Variants in DRC11 observed in about 807,000 individuals in gnomAD.
The protein encoded by DRC11 is dynein regulatory complex subunit 11.
At chr2:236,380,489 G>T in the DRC11 span, 1 of 1,100,628 alleles carries the variant, frequency 9.1e-7, no homozygotes, top group Non-Finnish European at 1.4e-6. This position sits in a 1 kb window ranked among gnomAD's most constrained non-coding sequence, Gnocchi z 4.9. Context: ...TGGCATCACA[G>T]AGGGGGCGTA....
the DRC11 span, among the ~76,000 whole-genome samples, chr2:236,353,435 C>T: frequency 0.17 from 25,887 of 152,072 alleles, 2,504 homozygotes; most frequent in Non-Finnish European, 0.23. This position sits in a 1 kb window ranked among gnomAD's most constrained non-coding sequence, Gnocchi z 5.0. Context: ...AAACATTCAC[C>T]ATCAGAATTA....
the DRC11 span, among the ~76,000 whole-genome samples, chr2:236,403,699 G>A: frequency 6.6e-6 from 1 of 151,978 alleles, no homozygotes; most frequent in Non-Finnish European, 1.5e-5. Context: ...TAACTTTGTG[G>A]CCTTATCTTG....
chr2:236,438,025 T>C, the DRC11 span, among the ~76,000 whole-genome samples: 1 of 140,078 alleles, frequency 7.1e-6, no homozygotes, highest in Non-Finnish European at 1.5e-5. Context: ...CCCATGCCTA[T>C]GTCCTGAATG....
chr2:236,318,286 C>T, the DRC11 span, among the ~76,000 whole-genome samples: 1 of 152,200 alleles, frequency 6.6e-6, no homozygotes, highest in Admixed American at 6.5e-5. The surrounding 1 kb of genome is among the most constrained non-coding windows in gnomAD (Gnocchi z 7.0). Flanking sequence ...TGCCAGACCT[C>T]CCTGTTCCGC....
chr2:236,432,870 C>T, the DRC11 span, among the ~76,000 whole-genome samples: 2 of 151,992 alleles, frequency 1.3e-5, no homozygotes, highest in Non-Finnish European at 2.9e-5. Flanking sequence ...TCTTTCTTAG[C>T]TTCTTCTAGT....
At chr2:236,504,227 T>C in the DRC11 span, among the ~76,000 whole-genome samples, 6 of 152,080 alleles carry the variant, frequency 3.9e-5, no homozygotes, top group African/African-American at 1.4e-4. This position sits in a 1 kb window ranked among gnomAD's most constrained non-coding sequence, Gnocchi z 5.0. Context: ...GCTGAGCTCC[T>C]TTCCCTCGGT....
chr2:236,353,978 T>C, the DRC11 span, among the ~76,000 whole-genome samples: 2 of 152,194 alleles, frequency 1.3e-5, no homozygotes. The surrounding 1 kb of genome is among the most constrained non-coding windows in gnomAD (Gnocchi z 5.0). Context: ...TTTTATGTAC[T>C]TGCGGAGGTT....
At chr2:236,472,093 A>G in the DRC11 span, among the ~76,000 whole-genome samples, 11 of 152,248 alleles carry the variant, frequency 7.2e-5, no homozygotes, top group African/African-American at 2.2e-4. This position sits in a 1 kb window ranked among gnomAD's most constrained non-coding sequence, Gnocchi z 4.6. Context: ...GTAATAGAAA[A>G]GAAAATGGTG....
At chr2:236,367,234 G>A in the DRC11 span, among the ~76,000 whole-genome samples, 1 of 148,422 alleles carries the variant, frequency 6.7e-6, no homozygotes, top group Non-Finnish European at 1.5e-5. This position sits in a 1 kb window ranked among gnomAD's most constrained non-coding sequence, Gnocchi z 4.8. Flanking sequence ...AAATTATGTT[G>A]CCCCTCAAAT....
At chr2:236,453,005 G>A in the DRC11 span, among the ~76,000 whole-genome samples, 1 of 152,156 alleles carries the variant, frequency 6.6e-6, no homozygotes, top group Non-Finnish European at 1.5e-5. This position sits in a 1 kb window ranked among gnomAD's most constrained non-coding sequence, Gnocchi z 4.9. Flanking sequence ...GAGAAGAAGA[G>A]AGTACCTTAG....
the DRC11 span, among the ~76,000 whole-genome samples, chr2:236,389,141 T>A: frequency 6.6e-6 from 1 of 152,262 alleles, no homozygotes; most frequent in Middle Eastern, 3.4e-3. Context: ...CCCCCAGAGG[T>A]GGAGCCTACA....
the DRC11 span, among the ~76,000 whole-genome samples, chr2:236,465,136 C>T: frequency 8.6e-5 from 13 of 152,028 alleles, no homozygotes; most frequent in Non-Finnish European, 1.5e-4. This position sits in a 1 kb window ranked among gnomAD's most constrained non-coding sequence, Gnocchi z 6.2. Context: ...GGATTATGAC[C>T]GAGAGGGACC....
the DRC11 span, among the ~76,000 whole-genome samples, chr2:236,462,864 A>T: frequency 6.6e-6 from 1 of 152,236 alleles, no homozygotes; most frequent in African/African-American, 2.4e-5. The surrounding 1 kb of genome is among the most constrained non-coding windows in gnomAD (Gnocchi z 6.4). Flanking sequence ...GAGACAGTTA[A>T]CATGAAAGAG....
At chr2:236,461,261 C>T in the DRC11 span, among the ~76,000 whole-genome samples, 2 of 152,040 alleles carry the variant, frequency 1.3e-5, no homozygotes, top group African/African-American at 2.4e-5. This position sits in a 1 kb window ranked among gnomAD's most constrained non-coding sequence, Gnocchi z 4.0. Context: ...CTCTGACACA[C>T]GAGAAAATGG....
the DRC11 span, among the ~76,000 whole-genome samples, chr2:236,486,411 T>A: frequency 6.6e-6 from 1 of 152,132 alleles, no homozygotes; most frequent in Non-Finnish European, 1.5e-5. The surrounding 1 kb of genome is among the most constrained non-coding windows in gnomAD (Gnocchi z 5.7). Flanking sequence ...AACATTGTTA[T>A]GTGACAATAG....
the DRC11 span, among the ~76,000 whole-genome samples, chr2:236,403,509 G>A: frequency 7.2e-5 from 11 of 151,936 alleles, no homozygotes; most frequent in Admixed American, 3.9e-4. Context: ...CTGGAACTGG[G>A]GGTTGAGGGG....
the DRC11 span, among the ~76,000 whole-genome samples, chr2:236,498,334 G>A: frequency 6.6e-6 from 1 of 151,752 alleles, no homozygotes; most frequent in Non-Finnish European, 1.5e-5. Context: ...GCATAGTGGC[G>A]CCCGCCTGTA....
At chr2:236,431,960 T>C in the DRC11 span, among the ~76,000 whole-genome samples, 7 of 152,190 alleles carry the variant, frequency 4.6e-5, no homozygotes, top group East Asian at 3.9e-4. This position sits in a 1 kb window ranked among gnomAD's most constrained non-coding sequence, Gnocchi z 4.2. Context: ...AAGAGAAGAA[T>C]TGCTAGGTCC....
the DRC11 span, among the ~76,000 whole-genome samples, chr2:236,307,914 C>T: frequency 1.3e-5 from 2 of 152,170 alleles, no homozygotes; most frequent in African/African-American, 2.4e-5. This position sits in a 1 kb window ranked among gnomAD's most constrained non-coding sequence, Gnocchi z 7.0. Flanking sequence ...CATATGCTTG[C>T]GGGGGCACAA....
Sources: gnomAD v4.1 joint callset for allele counts (sites outside exome capture counted in the v4.1 genomes callset) on GRCh38, gnomAD v4.1.1 for gene constraint, Gnocchi (gnomAD v3.1) non-coding constraint, MANE v1.5 for transcripts, NCBI Gene and HGNC (gene_info 2026-07-23, HGNC 2026-07-21) for gene names.